The following UPK1B variants were observed in gnomAD, a reference collection of about 807,000 sequenced individuals.
The protein encoded by UPK1B is uroplakin-1b.
A neutral mutation model predicts 34.2 loss-of-function variants in UPK1B; 28 were observed. That is an observed-to-expected ratio of 0.82 (90% confidence interval 0.61 to 1.12). The LOEUF (loss-of-function observed/expected upper bound fraction) is 1.12, where lower values mean the gene tolerates loss of function less well. Ranked by LOEUF, UPK1B falls within the 50% of genes most tolerant of loss-of-function variation. The probability of loss-of-function intolerance (pLI) is 0.00; values close to 1 mark genes in which losing one functional copy is unlikely to be tolerated. For missense variants in UPK1B, 325 were observed against 320.9 expected, an observed-to-expected ratio of 1.01 and a Z score of -0.10; for synonymous variants, 81 against 110.4, an observed-to-expected ratio of 0.73 and a Z score of 1.67.
intron 1 of UPK1B, among the ~76,000 whole-genome samples, chr3:119,178,167 G>C (rs969268286): frequency 6.6e-6 from 1 of 152,184 alleles, no homozygotes; most frequent in Admixed American, 6.5e-5. Context: ...TACACACTGA[G>C]GAGTTTGTAC....
rs769046663 is a variant in UPK1B at position 119,199,091 on chromosome 3, G to A, written c.683G>A (p.Arg228Gln). The A allele has an allele frequency of 1.1e-5, 17 of 1,614,016 alleles. No homozygotes were observed. Among genetic ancestry groups the A allele is most frequent in the African/African-American group, 5.3e-5 (4 of 74,910 alleles). Residue 228 changes from arginine (R) to glutamine (Q), a missense_variant, in exon 7 of 8, where the codon CGA becomes CAA. Coordinates refer to ENST00000264234, the MANE Select transcript of UPK1B (RefSeq NM_006952.4). ...GAACTGATCTCTGGTCCAATGAACC[G>A]ACACGCCTGGGGGGTTGCCTGGTTT... is the stretch of plus-strand genomic sequence containing the variant. ...CYELISGPMN[R>Q]HAWGVAWFGF...
intron 1 of UPK1B, among the ~76,000 whole-genome samples, chr3:119,177,200 G>A (rs559892461): frequency 6.6e-6 from 1 of 152,176 alleles, no homozygotes; most frequent in Non-Finnish European, 1.5e-5. Flanking sequence ...GAAGGAAAAG[G>A]ATAGAAGGCT....
intron 1 of UPK1B, among the ~76,000 whole-genome samples, chr3:119,185,082 T>G (rs1049327419): frequency 2.0e-5 from 3 of 152,100 alleles, no homozygotes; most frequent in Admixed American, 6.6e-5. Context: ...CAGAAAGAAA[T>G]GAATGGCATT....
chr3:119,175,191 C>A (rs1035444689), intron 1 of UPK1B, among the ~76,000 whole-genome samples: 3 of 151,526 alleles, frequency 2.0e-5, no homozygotes, highest in African/African-American at 4.9e-5. Flanking sequence ...CCACGCCCGG[C>A]CAATTTTTTG....
rs1257375329 is a variant in UPK1B, at chr3:119,178,085, G to A, written c.-29+4447G>A. ...GGTGGCATGACCAGGACACCAAAGGGTTGGGGGGGTGGGGCACGCAGTGAA... is the reference window on the plus strand; with the variant it reads ...GGTGGCATGACCAGGACACCAAAGGATTGGGGGGGTGGGGCACGCAGTGAA... On this transcript the variant is annotated intron_variant, in intron 1 of 7. Transcript: ENST00000264234. 3.4e-5 allele frequency among the ~76,000 whole-genome samples: 5 copies of A among 147,272 alleles called. 1 individual carries two copies. In the East Asian group the frequency reaches 1.0e-3, roughly 30 times the overall value.
At position 119,186,766 on chromosome 3, in the gene UPK1B, C is replaced by G. The variant is rs769296250; in HGVS notation, c.25C>G (p.Arg9Gly). The G allele has an allele frequency of 1.2e-6, 2 of 1,614,074 alleles. No individual in the cohort carries two copies. Among genetic ancestry groups the G allele is most frequent in the Non-Finnish European group, 1.7e-6 (2 of 1,179,996 alleles). ...GATGGCCAAAGACAACTCAACTGTT[C>G]GTTGCTTCCAGGGCCTGCTGATTTT... MAKDNSTV[R>G]CFQGLLIFGN... Residue 9 changes from arginine (R) to glycine (G), a missense_variant, in exon 2 of 8, where the codon CGT becomes GGT. Transcript: ENST00000264234.
chr3:119,196,467 A>T (rs2078067801), intron 6 of UPK1B, among the ~76,000 whole-genome samples: 1 of 152,068 alleles, frequency 6.6e-6, no homozygotes, highest in Non-Finnish European at 1.5e-5. Flanking sequence ...AATGCCTGGC[A>T]CAAAGCAAGC....
Position 119,191,092 on chromosome 3 carries a change from G to A in UPK1B, c.456G>A (p.Arg152=). Residue 152 remains arginine (R), a synonymous_variant, in exon 5 of 8, where the codon AGG becomes AGA. Transcript: ENST00000264234. ...ATGGAGTCACCAAAACCTGGGACAG[G>A]CTCATGCTCCAGGTAAGACCTGTGG... ...KNNGVTKTWD[R]LMLQDNCCGV... 6.2e-7 allele frequency: 1 copy of A among 1,613,890 alleles called. No homozygotes were observed. Among genetic ancestry groups the A allele is most frequent in the Non-Finnish European group, 8.5e-7 (1 of 1,179,874 alleles).
chr3:119,191,765 A>G (rs1011047241), intron 5 of UPK1B, among the ~76,000 whole-genome samples: 6 of 151,866 alleles, frequency 4.0e-5, no homozygotes, highest in African/African-American at 1.5e-4. Flanking sequence ...TCCCATATCC[A>G]TGTACCATAG....
chr3:119,175,012 C>CTTTTTTTTTTTTTTTTTTTTTTTTTTTTT (rs374721069), intron 1 of UPK1B, among the ~76,000 whole-genome samples: 1 of 67,482 alleles, frequency 1.5e-5, no homozygotes, highest in Non-Finnish European at 2.6e-5. Context: ...CTTTTATTTT[C>CTTTTTTTTTTTTTTTTTTTTTTTTTTTTT]TTTTTTTTTT....
chr3:119,195,278 C>G (rs966872216), intron 6 of UPK1B, among the ~76,000 whole-genome samples: 1 of 152,142 alleles, frequency 6.6e-6, no homozygotes, highest in Admixed American at 6.6e-5. Context: ...ATCTGCTGAC[C>G]CTGTACACTG....
chr3:119,175,213 G>C (rs146407767), intron 1 of UPK1B, among the ~76,000 whole-genome samples: 66 of 151,428 alleles, frequency 4.4e-4, no homozygotes, highest in African/African-American at 9.0e-4. Flanking sequence ...ATTTTTAGTA[G>C]AGACGGGGTT....
intron 2 of UPK1B, 49 bp from the exon 3 acceptor site, chr3:119,187,726 T>G: frequency 5.2e-4 from 477 of 921,206 alleles, no homozygotes; most frequent in Non-Finnish European, 7.1e-4. Flanking sequence ...CTCCACCCCC[T>G]TTCCCAAAGC....
At chr3:119,186,857 T>C (rs373518863) in intron 2 of UPK1B, 47 bp downstream of exon 2, 3 of 1,572,222 alleles carry the variant, frequency 1.9e-6, no homozygotes, top group South Asian at 1.1e-5. Context: ...CCTGTAATCA[T>C]AATTCTAGAT....
rs1212792978 is a variant in UPK1B at position 119,204,124 on chromosome 3, T to C, written c.*157T>C. On this transcript the variant is annotated 3_prime_UTR_variant, in exon 8 of 8. Coordinates refer to ENST00000264234, the MANE Select transcript of UPK1B (RefSeq NM_006952.4). The stretch of plus-strand genomic sequence containing the variant: ...ACGGACTTCCTTTAGGATCTCAGGC[T>C]TCTGCAGTTCTCATGACTCCTACTT... 10 of 730,528 alleles carry C rather than the reference T, an allele frequency of 1.4e-5. No individual in the cohort carries two copies. Among genetic ancestry groups the C allele is most frequent in the Non-Finnish European group, 1.8e-5 (8 of 444,148 alleles). 45.3% of individuals were successfully genotyped at this position (730,528 alleles called of 1,614,324 possible).
intron 5 of UPK1B, among the ~76,000 whole-genome samples, chr3:119,191,392 G>A (rs1033846436): frequency 1.3e-5 from 2 of 152,142 alleles, no homozygotes; most frequent in Admixed American, 1.3e-4. Context: ...CTGTGAGCTA[G>A]TCTTGCCAAG....
rs79762505 is a variant in UPK1B, at chr3:119,186,915, T to G, written c.69+105T>G. ...GGAAAATAATGCTGTGATTACTGGC[T>G]TCCTATATTTTTGCTTCATTTTAAG... On this transcript the variant is annotated intron_variant, in intron 2 of 7. Coordinates refer to ENST00000264234, the MANE Select transcript of UPK1B (RefSeq NM_006952.4). 3,706 of 1,180,828 alleles carry G rather than the reference T, an allele frequency of 3.1e-3. 73 individuals carry two copies. In the African/African-American group the frequency reaches 0.048, roughly 15 times the overall value. The allele number at this position is 1,180,828 out of a possible 1,614,324, so 73.1% of individuals were successfully genotyped here.
At chr3:119,190,487 T>C (rs982179138) in intron 4 of UPK1B, among the ~76,000 whole-genome samples, 168 bp downstream of exon 4, 1 of 152,168 alleles carries the variant, frequency 6.6e-6, no homozygotes, top group Non-Finnish European at 1.5e-5. Flanking sequence ...ATCACTCTGG[T>C]CATTTGAGAA....
chr3:119,194,264 A>C lies in UPK1B; in HGVS notation c.514A>C (p.Thr172Pro). The C allele has an allele frequency of 1.9e-6, 3 of 1,614,062 alleles. No individual in the cohort carries two copies. Among genetic ancestry groups the C allele is most frequent in the Non-Finnish European group, 2.5e-6 (3 of 1,179,934 alleles). ...TGGTCCATCAGACTGGCAAAAATAC[A>C]CATCTGCCTTCCGGACTGAGAATAA... ...VNGPSDWQKY[T>P]SAFRTENNDA... The change falls in exon 6 of 8, where the codon ACA (threonine) becomes CCA (proline). Residue 172 changes from threonine (T) to proline (P), a missense_variant. By Grantham distance (38) the Thr-to-Pro change is conservative. Transcript: ENST00000264234.
Sources: gnomAD v4.1 joint callset for allele counts (sites outside exome capture counted in the v4.1 genomes callset) on GRCh38, gnomAD v4.1.1 for gene constraint, MANE v1.5 for transcripts, NCBI Gene and HGNC (gene_info 2026-07-23, HGNC 2026-07-21) for gene names.